Variants in MYCT1 observed in about 807,000 individuals in gnomAD.
MYCT1 encodes the protein myc target protein 1.
Under a neutral mutation model 15.0 loss-of-function variants are expected in MYCT1, and 12 were observed. The observed-to-expected ratio is 0.80, with a 90% CI of 0.51 to 1.29. MYCT1 has a LOEUF of 1.29. Ranked by LOEUF, MYCT1 falls within the 50% of genes most tolerant of loss-of-function variation. The pLI is 0.00. For synonymous variants in MYCT1, 104 were observed against 102.7 expected, an observed-to-expected ratio of 1.01 and a Z score of -0.07; for missense variants, 287 against 279.1, an observed-to-expected ratio of 1.03 and a Z score of -0.20.
chr6:152,698,823 G>A (rs2099720858), intron 1 of MYCT1, among the ~76,000 whole-genome samples: 1 of 152,098 alleles, frequency 6.6e-6, no homozygotes. Context: ...AGAATTTTTT[G>A]TCTGAGTCCA....
At chr6:152,706,183 A>G (rs1056545643) in intron 1 of MYCT1, 2 of 998,728 alleles carry the variant, frequency 2.0e-6, no homozygotes, top group East Asian at 4.9e-5. Context: ...AGCCCAAGGC[A>G]GAGTTCCTCA....
chr6:152,730,954 G>C, the MYCT1 span, among the ~76,000 whole-genome samples: 1 of 152,130 alleles, frequency 6.6e-6, no homozygotes, highest in African/African-American at 2.4e-5. Flanking sequence ...TAGGCATGTA[G>C]ACAAATAAAG....
chr6:152,712,481 CT>C (rs2099722925), intron 1 of MYCT1, among the ~76,000 whole-genome samples: 1 of 72,342 alleles, frequency 1.4e-5, no homozygotes, highest in South Asian at 5.1e-4. Context: ...CCTCGCCCTG[CT>C]TCGGCTCGCG....
At chr6:152,720,196 A>G (rs553070440) in intron 1 of MYCT1, among the ~76,000 whole-genome samples, 4 of 151,916 alleles carry the variant, frequency 2.6e-5, no homozygotes, top group Non-Finnish European at 5.9e-5. Context: ...TGTGTCTCTC[A>G]TCATCTGGCA....
At chr6:152,744,394 G>A in the MYCT1 span, among the ~76,000 whole-genome samples, 5 of 151,990 alleles carry the variant, frequency 3.3e-5, no homozygotes, top group South Asian at 8.3e-4. Context: ...ATTAAATATT[G>A]GGTGTGGGAA....
At chr6:152,714,442 T>G (rs1174851775) in intron 1 of MYCT1, among the ~76,000 whole-genome samples, 3 of 151,566 alleles carry the variant, frequency 2.0e-5, no homozygotes, top group Non-Finnish European at 2.9e-5. Context: ...TTTTGTAGGC[T>G]TTCTTATTTT....
chr6:152,741,192 A>G, the MYCT1 span, among the ~76,000 whole-genome samples: 116 of 152,140 alleles, frequency 7.6e-4, no homozygotes, highest in Admixed American at 7.4e-3. Flanking sequence ...TCATGCTAAG[A>G]AAAACTCTTA....
chr6:152,744,484 A>G, the MYCT1 span, among the ~76,000 whole-genome samples: 1 of 152,144 alleles, frequency 6.6e-6, no homozygotes, highest in Non-Finnish European at 1.5e-5. Flanking sequence ...ATAAAGAGGT[A>G]GAATTGAGGA....
At position 152,701,098 on chromosome 6, in the gene MYCT1, GA is replaced by G. The variant is rs1197504261; in HGVS notation, c.196+3008del. On this transcript the variant is annotated intron_variant, in intron 1 of 1. Coordinates refer to ENST00000367245, the MANE Select transcript of MYCT1 (RefSeq NM_025107.3). Reference sequence around the variant, plus strand: ...AGAAATAATCCCTAAATCTTTCTCAGAAAAAAAATGAGGTGCTATCTGTTCC... The same window carrying G: ...AGAAATAATCCCTAAATCTTTCTCAGAAAAAAATGAGGTGCTATCTGTTCC... 3.3e-5 allele frequency among the ~76,000 whole-genome samples: 5 copies of G among 151,832 alleles called. No individual in the cohort carries two copies. The East Asian group carries it at 9.7e-4, about 29-fold the overall frequency.
At chr6:152,739,906 C>G in the MYCT1 span, among the ~76,000 whole-genome samples, 1 of 152,048 alleles carries the variant, frequency 6.6e-6, no homozygotes, top group Non-Finnish European at 1.5e-5. Context: ...TTCATTTCAT[C>G]TATCTGAGGA....
At chr6:152,720,865 G>A (rs75086460) in intron 1 of MYCT1, among the ~76,000 whole-genome samples, 2,827 of 152,192 alleles carry the variant, frequency 0.019, 92 homozygotes, top group African/African-American at 0.063. Flanking sequence ...GTGGTGAGGG[G>A]AGACTCAGTT....
downstream of MYCT1, among the ~76,000 whole-genome samples, chr6:152,728,557 C>A (rs963565106): frequency 1.3e-5 from 2 of 151,570 alleles, no homozygotes; most frequent in Non-Finnish European, 2.9e-5. Context: ...AAAAAAAAAA[C>A]CTTTAACAAC....
At chr6:152,729,971 G>A in the MYCT1 span, among the ~76,000 whole-genome samples, 1 of 152,092 alleles carries the variant, frequency 6.6e-6, no homozygotes, top group African/African-American at 2.4e-5. Context: ...TCTTCAACAT[G>A]GAAAGAAAGG....
intron 1 of MYCT1, among the ~76,000 whole-genome samples, chr6:152,715,166 C>A (rs531513568): frequency 1.3e-5 from 2 of 152,210 alleles, no homozygotes; most frequent in East Asian, 3.9e-4. Flanking sequence ...GGAATTTGCT[C>A]CTTTGATTTA....
chr6:152,716,034 G>A (rs779056882), intron 1 of MYCT1, among the ~76,000 whole-genome samples: 30 of 152,132 alleles, frequency 2.0e-4, no homozygotes, highest in Non-Finnish European at 3.7e-4. Context: ...CTACTGCATT[G>A]AGCACATTGT....
At chr6:152,726,851 T>A (rs984072243), downstream of MYCT1, among the ~76,000 whole-genome samples, 3 of 152,282 alleles carry the variant, frequency 2.0e-5, no homozygotes, top group Admixed American at 2.0e-4. Flanking sequence ...GCCAGAATGG[T>A]ACTGCCATGC....
At chr6:152,698,628 A>T (rs1367453838) in intron 1 of MYCT1, among the ~76,000 whole-genome samples, 1 of 152,228 alleles carries the variant, frequency 6.6e-6, no homozygotes, top group Non-Finnish European at 1.5e-5. Context: ...GAGTGAATTT[A>T]AAGTGCAATA....
chr6:152,705,979 T>G, intron 1 of MYCT1: 1 of 799,550 alleles, frequency 1.3e-6, no homozygotes. Flanking sequence ...ACAAAGATTG[T>G]GAGAGCTGCT....
the MYCT1 span, among the ~76,000 whole-genome samples, chr6:152,746,170 T>G: frequency 6.6e-6 from 1 of 152,196 alleles, no homozygotes; most frequent in Admixed American, 6.5e-5. Context: ...AAATTAGACA[T>G]GGTTGTTTTT....
Sources: allele counts gnomAD v4.1 joint callset (sites outside exome capture counted in the v4.1 genomes callset), GRCh38; gene constraint gnomAD v4.1.1; transcripts MANE v1.5; gene names NCBI Gene and HGNC (gene_info 2026-07-23, HGNC 2026-07-21).